The following ROCK1 variants were observed in gnomAD, a reference collection of about 807,000 sequenced individuals.
ROCK1 encodes the protein Rho associated coiled-coil containing protein kinase 1, also known as rho-associated protein kinase 1.
ROCK1 carries 36 observed loss-of-function variants against 196.8 expected under a neutral mutation model. The ratio of observed to expected loss-of-function variants is 0.18; its 90% CI spans 0.14 to 0.24. The LOEUF (loss-of-function observed/expected upper bound fraction) is 0.24, where lower values mean the gene tolerates loss of function less well. Among genes scored for constraint, ROCK1 ranks in the 10% least tolerant of loss-of-function variants. The pLI, the probability that ROCK1 is intolerant of heterozygous loss-of-function variation, is 1.00. For synonymous variants in ROCK1, 443 were observed against 515.9 expected (o/e 0.86, Z 1.91); for missense variants, 920 against 1,562.0 (o/e 0.59, Z 6.93).
chr18:21,079,741 T>G (rs565141814), intron 1 of ROCK1, among the ~76,000 whole-genome samples: 1 of 152,298 alleles, frequency 6.6e-6, no homozygotes, highest in East Asian at 1.9e-4. Flanking sequence ...CTGGGTCGAT[T>G]GTACAGAACT....
intron 9 of ROCK1, among the ~76,000 whole-genome samples, chr18:21,038,564 A>T (rs187509811): frequency 7.5e-4 from 114 of 152,310 alleles, no homozygotes; most frequent in African/African-American, 2.6e-3. Context: ...AATTAACAAG[A>T]TTTCCATCTC....
chr18:21,014,305 T>A (rs2035844859), intron 13 of ROCK1, among the ~76,000 whole-genome samples: 1 of 152,176 alleles, frequency 6.6e-6, no homozygotes, highest in African/African-American at 2.4e-5. Context: ...GACTCATTCA[T>A]GTGTTGTTTC....
intron 10 of ROCK1, among the ~76,000 whole-genome samples, chr18:21,027,486 G>T (rs2035968853): frequency 6.6e-6 from 1 of 152,164 alleles, no homozygotes; most frequent in Non-Finnish European, 1.5e-5. Context: ...AAGCTAACAT[G>T]AACTCATACT....
At chr18:21,027,667 G>A (rs1441712007) in intron 10 of ROCK1, among the ~76,000 whole-genome samples, 1 of 151,356 alleles carries the variant, frequency 6.6e-6, no homozygotes, top group East Asian at 1.9e-4. Flanking sequence ...AGGCATAAAA[G>A]GCCAAAGTTA....
intron 1 of ROCK1, among the ~76,000 whole-genome samples, chr18:21,102,223 T>G (rs767292373): frequency 4.6e-5 from 7 of 152,170 alleles, no homozygotes; most frequent in Non-Finnish European, 7.3e-5. Flanking sequence ...GATCCCAGAT[T>G]CCATTTTTAA....
chr18:21,008,291 A>G (rs2035785780), intron 13 of ROCK1, 97 bp from the exon 14 acceptor site: 2 of 901,830 alleles, frequency 2.2e-6, no homozygotes, highest in Non-Finnish European at 3.2e-6. Flanking sequence ...CAAGAAAAAA[A>G]AAAAGACAAA....
At chr18:20,988,152 G>A (rs1243050466) in intron 18 of ROCK1, among the ~76,000 whole-genome samples, 1 of 151,556 alleles carries the variant, frequency 6.6e-6, no homozygotes, top group African/African-American at 2.4e-5. Context: ...TGCAACTTCC[G>A]CCTCCTGGAT....
chr18:21,049,945 T>C (rs1295293277), intron 2 of ROCK1, 65 bp from the exon 3 acceptor site: 1 of 739,180 alleles, frequency 1.4e-6, no homozygotes, highest in Non-Finnish European at 2.1e-6. Flanking sequence ...CTACTTATTT[T>C]ACATTCGAGT....
intron 17 of ROCK1, among the ~76,000 whole-genome samples, chr18:20,992,277 C>T (rs1275051363): frequency 6.6e-6 from 1 of 152,138 alleles, no homozygotes; most frequent in Admixed American, 6.6e-5. Context: ...ATTGAACCTC[C>T]AACATTTCAG....
chr18:20,959,346 G>A (rs1443201709), intron 29 of ROCK1, among the ~76,000 whole-genome samples: 2 of 145,984 alleles, frequency 1.4e-5, no homozygotes, highest in Non-Finnish European at 3.0e-5. Flanking sequence ...TGAGTAGCTG[G>A]GACTACAGGC....
At chr18:21,013,952 G>T (rs1170174953) in intron 13 of ROCK1, among the ~76,000 whole-genome samples, 1 of 151,812 alleles carries the variant, frequency 6.6e-6, no homozygotes, top group African/African-American at 2.4e-5. Flanking sequence ...TGTGGTCCCA[G>T]CTACTCGGGA....
At chr18:20,997,816 T>C (rs983290594) in intron 16 of ROCK1, among the ~76,000 whole-genome samples, 14 of 150,036 alleles carry the variant, frequency 9.3e-5, no homozygotes, top group Non-Finnish European at 7.4e-5. Context: ...GAAACAAAAC[T>C]AGAAATCAAC....
chr18:21,019,797 TAAA>T (rs74444752), intron 12 of ROCK1, among the ~76,000 whole-genome samples: 2 of 132,696 alleles, frequency 1.5e-5, no homozygotes, highest in African/African-American at 2.8e-5. Flanking sequence ...GACTCCATCT[TAAA>T]AAAAAAAAAA....
In ROCK1 at chr18:21,049,227, T is replaced by G. The variant is rs1301658551; in HGVS notation, c.279A>C (p.Val93=). ...GRGAFGEVQL[V]RHKSTRKVYA... is the part of the protein sequence containing the mutation. ...ATACCTTCCTGGTGGATTTATGCCTTACCTTTAAAATTGAAAAGGGAAAAT... is the reference window on the plus strand; with the variant it reads ...ATACCTTCCTGGTGGATTTATGCCTGACCTTTAAAATTGAAAAGGGAAAAT... The change falls in exon 4 of 33, where the codon GTA becomes GTC. Residue 93 remains valine (V), a splice_region_variant and synonymous_variant. Coordinates refer to ENST00000399799, the MANE Select transcript of ROCK1 (RefSeq NM_005406.3). 6.4e-7 allele frequency: 1 copy of G among 1,573,706 alleles called. No homozygotes were observed. The highest frequency in any genetic ancestry group is 1.2e-5 in the South Asian group (1 of 84,714).
At chr18:20,996,476 AAG>A (rs1010798030) in intron 16 of ROCK1, among the ~76,000 whole-genome samples, 1 of 152,148 alleles carries the variant, frequency 6.6e-6, no homozygotes, top group Non-Finnish European at 1.5e-5. Context: ...AGCAGGCAGA[AAG>A]AGAGATAGGG....
intron 9 of ROCK1, among the ~76,000 whole-genome samples, chr18:21,036,546 G>A (rs929058841): frequency 6.6e-6 from 1 of 152,140 alleles, no homozygotes; most frequent in African/African-American, 2.4e-5. Flanking sequence ...CTGGGCTCAG[G>A]TGATTCTCTT....
At chr18:21,047,896 A>G (rs1030817207) in intron 4 of ROCK1, among the ~76,000 whole-genome samples, 6 of 152,176 alleles carry the variant, frequency 3.9e-5, no homozygotes, top group African/African-American at 1.4e-4. Context: ...ACTTCATTAT[A>G]TATTATAAAT....
intron 22 of ROCK1, among the ~76,000 whole-genome samples, chr18:20,972,495 G>A (rs2035438677): frequency 6.6e-6 from 1 of 152,210 alleles, no homozygotes. Context: ...ATGAGAACAA[G>A]TAGGGAGTAA....
chr18:21,073,663 C>A (rs1405784616), intron 1 of ROCK1, among the ~76,000 whole-genome samples: 1 of 152,084 alleles, frequency 6.6e-6, no homozygotes, highest in Non-Finnish European at 1.5e-5. Flanking sequence ...ACCTAACAGA[C>A]ATATTTTTGG....
Sources: gnomAD v4.1 joint callset for allele counts (sites outside exome capture counted in the v4.1 genomes callset) on GRCh38, gnomAD v4.1.1 for gene constraint, MANE v1.5 for transcripts, NCBI Gene and HGNC (gene_info 2026-07-23, HGNC 2026-07-21) for gene names.